Variants in SF3A3 observed in about 807,000 individuals in gnomAD.
SF3A3 encodes the protein SAP 61.
A neutral mutation model predicts 85.8 loss-of-function variants in SF3A3; 9 were observed. The ratio of observed to expected loss-of-function variants is 0.10; its 90% CI spans 0.06 to 0.18. SF3A3 has a LOEUF of 0.18. SF3A3 is among the 10% of genes least tolerant of loss of function. The pLI is 1.00. For synonymous variants in SF3A3, 195 were observed against 204.4 expected (o/e 0.95, Z 0.39); for missense variants, 306 against 593.3 (o/e 0.52, Z 5.03).
chr1:37,984,671 T>C, intron 5 of SF3A3, 36 bp downstream of exon 5: 1 of 1,356,626 alleles, frequency 7.4e-7, no homozygotes, highest in Non-Finnish European at 1.1e-6. Context: ...ACCTGTATTT[T>C]TGCTGGTGCT....
chr1:37,983,595 A>AAAAAAAAAAAAAAC (rs1646435621), intron 6 of SF3A3, among the ~76,000 whole-genome samples: 1 of 148,124 alleles, frequency 6.8e-6, no homozygotes, highest in African/African-American at 2.5e-5. Flanking sequence ...TCAAAAAAAA[A>AAAAAAAAAAAAAAC]AAAAAAAAAA....
intron 8 of SF3A3, among the ~76,000 whole-genome samples, chr1:37,980,273 A>G (rs1646408642): frequency 6.6e-6 from 1 of 151,984 alleles, no homozygotes; most frequent in East Asian, 1.9e-4. Context: ...AAAAACACAA[A>G]ATTAGCCGGG....
intron 14 of SF3A3, among the ~76,000 whole-genome samples, 196 bp downstream of exon 14, chr1:37,969,158 C>T (rs1423427914): frequency 6.6e-6 from 1 of 152,126 alleles, no homozygotes; most frequent in South Asian, 2.1e-4. Flanking sequence ...AGAATTCCTC[C>T]AGAAACTATC....
chr1:37,980,730 G>A lies in SF3A3; in HGVS notation c.552-6C>T, dbSNP rs768592418. ...CAAGCAGCATCTCTAGGTATCTACA[G>A]AGGAACACACAATGCAGACAAAGCA... On this transcript the variant is annotated splice_region_variant and splice_polypyrimidine_tract_variant and intron_variant, in intron 7 of 16. Coordinates refer to ENST00000373019, the MANE Select transcript of SF3A3 (RefSeq NM_006802.4). The A allele has an allele frequency of 4.4e-6, 7 of 1,608,974 alleles. No individual in the cohort carries two copies. Among genetic ancestry groups the A allele is most frequent in the Non-Finnish European group, 5.9e-6 (7 of 1,176,646 alleles).
intron 4 of SF3A3, 61 bp downstream of exon 4, chr1:37,987,512 T>C: frequency 8.2e-7 from 1 of 1,225,100 alleles, no homozygotes; most frequent in Non-Finnish European, 1.2e-6. Context: ...GTTTCCTTTA[T>C]ACCTTTCCTT....
chr1:37,980,555 T>TG, intron 8 of SF3A3, 31 bp downstream of exon 8: 1 of 1,607,682 alleles, frequency 6.2e-7, no homozygotes, highest in South Asian at 1.1e-5. Context: ...TTCCCTGGCA[T>TG]GTCCACCATT....
chr1:37,959,960 A>C (rs1270945485), intron 16 of SF3A3, among the ~76,000 whole-genome samples, 160 bp downstream of exon 16: 1 of 8,262 alleles, frequency 1.2e-4, no homozygotes, highest in South Asian at 3.2e-3. Flanking sequence ...TCCGTGTCAA[A>C]AAAAAAAAAA....
chr1:37,970,627 T>C (rs1250332050), intron 12 of SF3A3, among the ~76,000 whole-genome samples: 1 of 152,130 alleles, frequency 6.6e-6, no homozygotes, highest in Admixed American at 6.6e-5. Flanking sequence ...CCTCAGCAAA[T>C]GTAAAAGAAC....
At position 37,989,488 on chromosome 1, in the gene SF3A3, C is replaced by G; in HGVS notation, c.144+60G>C. ...ACTCATGCTGAGACACCGCACTTCA[C>G]TTCCCCTCTCTTTTCCCGCCCTCGC... On this transcript the variant is annotated intron_variant, in intron 2 of 16. Coordinates refer to ENST00000373019, the MANE Select transcript of SF3A3 (RefSeq NM_006802.4). The G allele has an allele frequency of 2.5e-6, 4 of 1,578,888 alleles. No homozygotes were observed. The African/African-American group carries it at 5.4e-5, about 21-fold the overall frequency.
chr1:37,968,279 A>G, intron 14 of SF3A3, 145 bp from the exon 15 acceptor site: 1 of 648,306 alleles, frequency 1.5e-6, no homozygotes, highest in South Asian at 1.8e-5. Flanking sequence ...TCATGTTTGT[A>G]AACAGCTGGC....
Position 37,973,540 on chromosome 1 carries a change from C to T in SF3A3, c.1005+3344G>A, listed in dbSNP as rs11809469. On this transcript the variant is annotated intron_variant, in intron 12 of 16. Coordinates refer to ENST00000373019, the MANE Select transcript of SF3A3 (RefSeq NM_006802.4). Reference sequence around the variant, plus strand: ...TCAAAACCACAATGAGATACCATCTCACACCAGTTAGAATGGCGATGATTA... The same window carrying T: ...TCAAAACCACAATGAGATACCATCTTACACCAGTTAGAATGGCGATGATTA... Among the ~76,000 whole-genome samples, 203 of 152,334 alleles carry T rather than the reference C, an allele frequency of 1.3e-3. 1 individual carries two copies. Among genetic ancestry groups the T allele is most frequent in the African/African-American group, 4.8e-3 (200 of 41,586 alleles).
chr1:37,975,706 T>G (rs537254800), intron 12 of SF3A3, among the ~76,000 whole-genome samples: 113 of 152,262 alleles, frequency 7.4e-4, no homozygotes, highest in African/African-American at 2.6e-3. Context: ...CATAACAGAA[T>G]CACAGGTGAC....
At chr1:37,984,901 G>A (rs1156350759) in intron 4 of SF3A3, 122 bp from the exon 5 acceptor site, 15 of 732,712 alleles carry the variant, frequency 2.0e-5, no homozygotes, top group South Asian at 6.4e-5. Flanking sequence ...TCTACCTCCC[G>A]GGTTCAAGCG....
chr1:37,989,525 G>A (rs1242329752), intron 2 of SF3A3, 23 bp downstream of exon 2: 2 of 1,611,806 alleles, frequency 1.2e-6, no homozygotes, highest in Non-Finnish European at 8.5e-7. Flanking sequence ...AACCCAAAGA[G>A]AGGCAGACAG....
intron 7 of SF3A3, 64 bp from the exon 8 acceptor site, chr1:37,980,788 C>A: frequency 1.5e-6 from 2 of 1,350,326 alleles, no homozygotes; most frequent in Non-Finnish European, 2.0e-6. Context: ...TCTTGTTATT[C>A]CCTGCAGAAT....
chr1:37,990,021 C>CGCGCTGGGCGGCAGGAGT lies in SF3A3; in HGVS notation c.-57_-56insACTCCTGCCGCCCAGCGC. ...CCACCAACACGGCCGGAAGCAACTC[C>CGCGCTGGGCGGCAGGAGT]TGCCGCCCAGCGCGCCTGAGTCCCC... On this transcript the variant is annotated 5_prime_UTR_variant, in exon 1 of 17. Transcript: ENST00000373019. The CGCGCTGGGCGGCAGGAGT allele has an allele frequency of 7.4e-7, 1 of 1,359,872 alleles. No individual in the cohort carries two copies. Among genetic ancestry groups the CGCGCTGGGCGGCAGGAGT allele is most frequent in the Non-Finnish European group, 1.0e-6 (1 of 959,632 alleles). 84.2% of individuals were successfully genotyped at this position (1,359,872 alleles called of 1,614,324 possible). A position where few individuals can be genotyped will look rare whatever the true frequency, so the allele number is the denominator to read the frequency against.
In SF3A3 at chr1:37,984,744, G is replaced by A. The variant is rs1224680342; in HGVS notation, c.339C>T (p.Leu113=). 1.9e-6 allele frequency: 3 copies of A among 1,613,960 alleles called. No homozygotes were observed. The highest frequency in any genetic ancestry group is 1.7e-5 in the Admixed American group (1 of 59,990). ...CACTTGGATTCTCTCGAGCCTTCAG[G>A]AGTTCCTCAAATTCCACTGACATTG... ...CVPMSVEFEE[L]LKARENPSEE... The change falls in exon 5 of 17, where the codon CTC becomes CTT. Residue 113 remains leucine, a synonymous_variant. Coordinates refer to ENST00000373019, the MANE Select transcript of SF3A3 (RefSeq NM_006802.4).
At chr1:37,963,235 A>C (rs1031191825) in intron 15 of SF3A3, among the ~76,000 whole-genome samples, 4 of 152,194 alleles carry the variant, frequency 2.6e-5, no homozygotes, top group African/African-American at 9.6e-5. Context: ...GAATCACTTG[A>C]GCCCAAGAGG....
chr1:37,960,817 A>AT (rs397722645), intron 15 of SF3A3: 137,265 of 151,362 alleles, frequency 0.91, 62,386 homozygotes, highest in East Asian at 1. Flanking sequence ...TGCCCGGCTA[A>AT]TTTTTTTTGT....
Sources: allele counts gnomAD v4.1 joint callset (sites outside exome capture counted in the v4.1 genomes callset), GRCh38; gene constraint gnomAD v4.1.1; transcripts MANE v1.5; gene names NCBI Gene and HGNC (gene_info 2026-07-23, HGNC 2026-07-21).